Variants in TUBGCP2 observed in about 807,000 individuals in gnomAD.
TUBGCP2 encodes tubulin gamma complex component 2.
A neutral mutation model predicts 92.2 loss-of-function variants in TUBGCP2; 55 were observed. The ratio of observed to expected loss-of-function variants is 0.60; its 90% CI spans 0.48 to 0.75. The LOEUF (loss-of-function observed/expected upper bound fraction) is 0.75. Ranked by LOEUF, TUBGCP2 falls within the 30% of genes least tolerant of loss-of-function variation. The probability of loss-of-function intolerance (pLI) is 0.00; values close to 1 mark genes in which losing one functional copy is unlikely to be tolerated. For missense variants in TUBGCP2, 1,093 were observed against 1,188.9 expected (o/e 0.92, Z 1.19); for synonymous variants, 533 against 505.2 (o/e 1.06, Z -0.74).
In TUBGCP2 at chr10:133,293,624, C is replaced by T. The variant is rs1360020048; in HGVS notation, c.762G>A (p.Leu254=). The stretch of plus-strand genomic sequence containing the variant: ...TCCTGTGCACCAGCTCCCTGATGGA[C>T]AGGTCCAGGTTGGGGTCCACGAGGA... ...RTFLVDPNLD[L]SIRELVHRIL... The change falls in exon 6 of 18, where the codon CTG becomes CTA. Residue 254 remains leucine, a synonymous_variant. Transcript: ENST00000252936. The T allele has an allele frequency of 1.9e-6, 3 of 1,570,394 alleles. No individual in the cohort carries two copies. In the African/African-American group the frequency reaches 4.0e-5, roughly 21 times the overall value.
At chr10:133,312,145 GCGTCTGCCTTAATAGCATCACCTGTGC>G (rs1848004745), upstream of TUBGCP2, 5 of 1,413,324 alleles carry the variant, frequency 3.5e-6, no homozygotes, top group South Asian at 4.7e-5. Context: ...CACAACCCAG[GCGTCTGCCTTAATAGCATCACCTGTGC>G]CGTCTGCGTT....
Position 133,303,062 on chromosome 10 carries a change from T to C in TUBGCP2, c.-39-82A>G, listed in dbSNP as rs901502011. ...TTTTTAAACACTCAAGACTGGCCAATGTCAGGCTTTGACAAACCAAGTTAT... is the reference window on the plus strand; with the variant it reads ...TTTTTAAACACTCAAGACTGGCCAACGTCAGGCTTTGACAAACCAAGTTAT... On this transcript the variant is annotated intron_variant, in intron 1 of 17. Transcript: ENST00000252936. The C allele has an allele frequency of 1.7e-5, 20 of 1,166,078 alleles. No homozygotes were observed. The African/African-American group carries it at 2.9e-4, about 17-fold the overall frequency. The allele number at this position is 1,166,078 out of a possible 1,614,324, so 72.2% of individuals were successfully genotyped here. A position where few individuals can be genotyped will look rare whatever the true frequency, so the allele number is the denominator to read the frequency against.
At chr10:133,282,784 T>A (rs533584564) in intron 15 of TUBGCP2, among the ~76,000 whole-genome samples, 6 of 152,160 alleles carry the variant, frequency 3.9e-5, no homozygotes, top group African/African-American at 1.4e-4. Context: ...GCTCAAGTGC[T>A]GAGGAAAAGA....
rs544214141 is a variant in TUBGCP2 at position 133,279,828 on chromosome 10, G to T, written c.2647C>A (p.Gln883Lys). 3.6e-5 allele frequency: 57 copies of T among 1,593,702 alleles called. No homozygotes were observed. The highest frequency in any genetic ancestry group is 4.6e-5 in the Non-Finnish European group (54 of 1,171,200). The change falls in exon 18 of 18, where the codon CAA (glutamine) becomes AAA (lysine). Residue 883 changes from glutamine (Q) to lysine (K), a missense_variant. Gln to Lys is a moderately conservative substitution (Grantham distance 53). Around this residue, in one of 3 missense-constraint regions of TUBGCP2, gnomAD observed 598 missense variants for 675.5 expected, o/e 0.89. Transcript: ENST00000252936. ...SAERSQKATP[Q>K]VPVLRGPPAP... ...GGGGGCCCCCGCAGGACAGGCACTT[G>T]GGGGGTGGCCTTCTGGCTCCTCTCT...
chr10:133,288,848 A>G lies in TUBGCP2; in HGVS notation c.1533T>C (p.Ala511=). The part of the protein sequence containing the change: ...DFLMEEKELV[A]HLRSIKRYFL... ...ACAGGGCACGGAATCACCTGAGGTG[A>G]GCCACCAGCTCCTTCTCCTCCATCA... The change falls in exon 10 of 18, where the codon GCT becomes GCC. Residue 511 remains alanine (A), a synonymous_variant. Transcript: ENST00000252936. 4 of 1,610,240 alleles carry G rather than the reference A, an allele frequency of 2.5e-6. No individual in the cohort carries two copies. Among genetic ancestry groups the G allele is most frequent in the South Asian group, 2.2e-5 (2 of 90,440 alleles).
In TUBGCP2 at chr10:133,285,092, C is replaced by T. The variant is rs750962752; in HGVS notation, c.2017G>A (p.Ala673Thr). The change falls in exon 13 of 18, where the codon GCC (alanine) becomes ACC (threonine). Residue 673 changes from alanine to threonine, a missense_variant. By Grantham distance (58) the Ala-to-Thr change is moderately conservative. Transcript: ENST00000252936. The surrounding 1 kb of genome is among the most constrained non-coding windows in gnomAD (Gnocchi z 6.8). Reference protein sequence around the residue: ...KTAKQHSLHSAQWFAGAFTLR... With the variant: ...KTAKQHSLHSTQWFAGAFTLR... ...GGCAGAGGAAGAACGCACCACTGGG[C>T]GGAGTGCAGCGAGTGCTGCTTGGCG... The T allele has an allele frequency of 1.4e-5, 23 of 1,605,532 alleles. No individual in the cohort carries two copies. The highest frequency in any genetic ancestry group is 4.4e-5 in the South Asian group (4 of 90,728).
intron 3 of TUBGCP2, 95 bp from the exon 4 acceptor site, chr10:133,299,698 C>T (rs923630003): frequency 9.1e-7 from 1 of 1,095,326 alleles, no homozygotes; most frequent in African/African-American, 1.6e-5. Flanking sequence ...GGCTCCCCAA[C>T]CCTGACAGGC....
At chr10:133,309,634 AACTT>A (rs1847941386), upstream of TUBGCP2, 2 of 1,267,440 alleles carry the variant, frequency 1.6e-6, no homozygotes, top group African/African-American at 2.9e-5. Flanking sequence ...CTGTTTGTGA[AACTT>A]AATTCATAAA....
At chr10:133,280,509 G>C (rs775609561) in intron 17 of TUBGCP2, among the ~76,000 whole-genome samples, 1 of 152,222 alleles carries the variant, frequency 6.6e-6, no homozygotes, top group Non-Finnish European at 1.5e-5. Flanking sequence ...CCCAGGCTAG[G>C]TGTTAGTGCA....
intron 15 of TUBGCP2, 113 bp downstream of exon 15, chr10:133,282,965 C>T: frequency 1.4e-6 from 2 of 1,415,624 alleles, no homozygotes; most frequent in Non-Finnish European, 1.9e-6. Flanking sequence ...CCCAGCGGCT[C>T]CTCCACGAAC....
At chr10:133,308,899 TCG>T, upstream of TUBGCP2, 2 of 1,204,350 alleles carry the variant, frequency 1.7e-6, no homozygotes, top group Non-Finnish European at 2.1e-6. Context: ...CCGGCTCGGC[TCG>T]CGGACGGTGG....
At position 133,293,676 on chromosome 10, in the gene TUBGCP2, G is replaced by A. The variant is rs945245129; in HGVS notation, c.710C>T (p.Pro237Leu). The A allele has an allele frequency of 3.7e-6, 6 of 1,601,888 alleles. No homozygotes were observed. The Admixed American group carries it at 5.1e-5, about 14-fold the overall frequency. ...GGTCCGGCTCTGCCTCCCAGCCAGG[G>A]GCTGAGCACTGACGTACCTCCCGTC... is the stretch of plus-strand genomic sequence containing the variant. Reference protein sequence around the residue: ...GVDGRYVSAQPLAGRQSRTFL... With the variant: ...GVDGRYVSAQLLAGRQSRTFL... Residue 237 changes from proline (P) to leucine (L), a missense_variant, in exon 6 of 18, where the codon CCC (proline) becomes CTC (leucine). This residue lies in a region of TUBGCP2 where 490 missense variants were observed against 488.5 expected (regional missense o/e 1.00). Coordinates refer to ENST00000252936, the MANE Select transcript of TUBGCP2 (RefSeq NM_006659.4).
intron 11 of TUBGCP2, among the ~76,000 whole-genome samples, chr10:133,287,922 A>C (rs1352148405): frequency 6.6e-6 from 1 of 152,216 alleles, no homozygotes; most frequent in Non-Finnish European, 1.5e-5. Context: ...CACTGCAGGA[A>C]AACCCGAGAC....
chr10:133,310,719 GT>G (rs1043656226), upstream of TUBGCP2, among the ~76,000 whole-genome samples: 2 of 152,212 alleles, frequency 1.3e-5, no homozygotes, highest in Non-Finnish European at 2.9e-5. Flanking sequence ...GTCCTGGTTG[GT>G]TGTGCGCATA....
In TUBGCP2 at chr10:133,300,003, C is replaced by T. The variant is rs1192394789; in HGVS notation, c.261G>A (p.Lys87=). The change falls in exon 3 of 18, where the codon AAG becomes AAA. Residue 87 remains lysine, a synonymous_variant. Coordinates refer to ENST00000252936, the MANE Select transcript of TUBGCP2 (RefSeq NM_006659.4). ...NLDPLVYLLS[K]LTEDKETLQY... ...CACCTACCTCTTTGTCTTCCGTGAGCTTTGACAACAGGTACACCAGCGGGT... is the reference window on the plus strand; with the variant it reads ...CACCTACCTCTTTGTCTTCCGTGAGTTTTGACAACAGGTACACCAGCGGGT... The T allele has an allele frequency of 6.2e-7, 1 of 1,614,096 alleles. No homozygotes were observed. Among genetic ancestry groups the T allele is most frequent in the East Asian group, 2.2e-5 (1 of 44,874 alleles).
chr10:133,288,431 C>G (rs902430566), intron 10 of TUBGCP2, 122 bp from the exon 11 acceptor site: 1 of 1,220,426 alleles, frequency 8.2e-7, no homozygotes, highest in East Asian at 2.6e-5. Flanking sequence ...GGCGTGAGCA[C>G]GTGCCCACCC....
chr10:133,298,162 A>G (rs1399217640), intron 4 of TUBGCP2, 51 bp from the exon 5 acceptor site: 1 of 1,580,922 alleles, frequency 6.3e-7, no homozygotes. Flanking sequence ...CTTTAGCGCA[A>G]ACACTCAACT....
At chr10:133,311,957 G>T (rs530960305), upstream of TUBGCP2, 3 of 1,612,030 alleles carry the variant, frequency 1.9e-6, no homozygotes, top group South Asian at 2.2e-5. Context: ...GTAACGCTGG[G>T]TAAGAAAATC....
intron 1 of TUBGCP2, among the ~76,000 whole-genome samples, chr10:133,304,461 AT>A (rs1332676959): frequency 2.6e-5 from 4 of 152,218 alleles, no homozygotes; most frequent in Non-Finnish European, 5.9e-5. Flanking sequence ...TATGGGCAAA[AT>A]AACTTTTTAT....
Sources: allele counts gnomAD v4.1 joint callset (sites outside exome capture counted in the v4.1 genomes callset), GRCh38; gene constraint gnomAD v4.1.1; regional missense constraint gnomAD v4.1.1; non-coding constraint Gnocchi (gnomAD v3.1); transcripts MANE v1.5; gene names NCBI Gene and HGNC (gene_info 2026-07-23, HGNC 2026-07-21).